Variants in PPP1R9A observed in about 807,000 individuals in gnomAD.
The protein encoded by PPP1R9A is neurabin-1.
In PPP1R9A, 59 loss-of-function variants were observed where a neutral mutation model predicts 141.9. The observed-to-expected ratio is 0.42, with a 90% confidence interval of 0.34 to 0.52. PPP1R9A has a LOEUF of 0.52. PPP1R9A is among the 20% of genes least tolerant of loss of function. The pLI is 0.10. For missense variants in PPP1R9A, 1,444 were observed against 1,611.9 expected, an observed-to-expected ratio of 0.90 and a Z score of 1.78; for synonymous variants, 500 against 569.7, an observed-to-expected ratio of 0.88 and a Z score of 1.74.
chr7:95,165,864 T>C (rs553429108), intron 5 of PPP1R9A, among the ~76,000 whole-genome samples: 1 of 152,038 alleles, frequency 6.6e-6, no homozygotes, highest in East Asian at 1.9e-4. Context: ...TATTGAAAAT[T>C]GGGTCAGGCG....
rs963977767 is a variant in PPP1R9A at position 95,294,341 on chromosome 7, T to G, written c.*4038T>G. 1.3e-5 allele frequency: 2 copies of G among 149,962 alleles called. No individual in the cohort carries two copies. The highest frequency in any genetic ancestry group is 3.0e-5 in the Non-Finnish European group (2 of 67,586). The allele number at this position is 149,962 out of a possible 1,614,324, so 9.3% of individuals were successfully genotyped here. The stretch of plus-strand genomic sequence containing the variant: ...TGGACTGCAGTGGTGCCATCATGTC[T>G]TACTGCAGCCTCAAACTCCTGGGCT... On this transcript the variant is annotated 3_prime_UTR_variant, in exon 20 of 20. Coordinates refer to ENST00000433360, the MANE Select transcript of PPP1R9A (RefSeq NM_001166160.2).
rs760399932 is a variant in PPP1R9A, at chr7:95,250,105, A to T, written c.2246A>T (p.Glu749Val). ...QLQQNIEENK[E>V]RMLKLESYWI... is the part of the protein sequence containing the mutation. Reference sequence around the variant, plus strand: ...CAACAAAACATAGAAGAGAATAAGGAAAGAATGTTGAAGTTGGAAAGCTAC... The same window carrying T: ...CAACAAAACATAGAAGAGAATAAGGTAAGAATGTTGAAGTTGGAAAGCTAC... The change falls in exon 10 of 20, where the codon GAA (glutamate) becomes GTA (valine). Residue 749 changes from glutamate to valine, a missense_variant. By Grantham distance (121) the Glu-to-Val change is moderately radical. Transcript: ENST00000433360. 11 of 1,613,810 alleles carry T rather than the reference A, an allele frequency of 6.8e-6. No homozygotes were observed. Among genetic ancestry groups the T allele is most frequent in the Non-Finnish European group, 9.3e-6 (11 of 1,179,884 alleles).
At chr7:95,186,513 C>A (rs184813419) in intron 5 of PPP1R9A, among the ~76,000 whole-genome samples, 1 of 152,116 alleles carries the variant, frequency 6.6e-6, no homozygotes, top group African/African-American at 2.4e-5. Context: ...TTATTTATTT[C>A]TTTTGTCTGA....
At chr7:94,915,134 G>A (rs566468437) in intron 2 of PPP1R9A, among the ~76,000 whole-genome samples, 1 of 152,264 alleles carries the variant, frequency 6.6e-6, no homozygotes, top group African/African-American at 2.4e-5. Flanking sequence ...GCTATATTTT[G>A]TGTTTTCTCA....
At chr7:95,240,024 A>T (rs1295163520) in intron 8 of PPP1R9A, among the ~76,000 whole-genome samples, 1 of 152,004 alleles carries the variant, frequency 6.6e-6, no homozygotes, top group African/African-American at 2.4e-5. Context: ...ATTCCTTTTA[A>T]AGAATAATTT....
chr7:94,936,793 T>C (rs1229576094), intron 2 of PPP1R9A, among the ~76,000 whole-genome samples: 3 of 152,070 alleles, frequency 2.0e-5, no homozygotes, highest in Non-Finnish European at 4.4e-5. Context: ...AATTCTGTAA[T>C]ATGTTTTGTT....
intron 2 of PPP1R9A, among the ~76,000 whole-genome samples, chr7:95,063,225 C>G (rs1051302242): frequency 6.6e-6 from 1 of 152,142 alleles, no homozygotes; most frequent in Admixed American, 6.5e-5. Context: ...TTTCATGTCA[C>G]AAACTAATCT....
At chr7:95,173,979 A>G (rs550440486) in intron 5 of PPP1R9A, among the ~76,000 whole-genome samples, 75 of 152,218 alleles carry the variant, frequency 4.9e-4, no homozygotes, top group Admixed American at 3.3e-3. Context: ...AAAGTTAGGC[A>G]TACACTTATA....
chr7:95,199,306 A>G (rs544333733), intron 6 of PPP1R9A, among the ~76,000 whole-genome samples: 1 of 152,336 alleles, frequency 6.6e-6, no homozygotes, highest in African/African-American at 2.4e-5. Flanking sequence ...ATTTAATTGT[A>G]GTATTTTATA....
chr7:95,134,365 G>A (rs1825241245), intron 4 of PPP1R9A, among the ~76,000 whole-genome samples: 1 of 152,186 alleles, frequency 6.6e-6, no homozygotes, highest in African/African-American at 2.4e-5. Context: ...AATACCTAAT[G>A]CATGCTGGGC....
intron 16 of PPP1R9A, among the ~76,000 whole-genome samples, chr7:95,277,137 T>C (rs1803354526): frequency 6.6e-6 from 1 of 152,206 alleles, no homozygotes; most frequent in Admixed American, 6.5e-5. Flanking sequence ...TTTCATCCAA[T>C]TCTTATTAGG....
At chr7:95,030,241 A>G (rs1173815181) in intron 2 of PPP1R9A, among the ~76,000 whole-genome samples, 1 of 152,236 alleles carries the variant, frequency 6.6e-6, no homozygotes, top group Non-Finnish European at 1.5e-5. Context: ...GTAGCTGGTC[A>G]GATCCAAATG....
In PPP1R9A at chr7:94,982,677, A is replaced by AT. The variant is rs1279307760; in HGVS notation, c.1395+71175dup. Reference sequence around the variant, plus strand: ...GCCCACTTTTTGATGGGGTTGTTTGATTTTTTCTTGTAAATTTGTTTGAGT... The same window carrying AT: ...GCCCACTTTTTGATGGGGTTGTTTGATTTTTTTCTTGTAAATTTGTTTGAGT... On this transcript the variant is annotated intron_variant, in intron 2 of 19. Coordinates refer to ENST00000433360, the MANE Select transcript of PPP1R9A (RefSeq NM_001166160.2). Among the ~76,000 whole-genome samples the AT allele has an allele frequency of 5.3e-5, 8 of 151,598 alleles. No individual in the cohort carries two copies. The East Asian group carries it at 7.7e-4, about 15-fold the overall frequency.
At chr7:95,238,421 G>C (rs185714791) in intron 8 of PPP1R9A, among the ~76,000 whole-genome samples, 1 of 152,084 alleles carries the variant, frequency 6.6e-6, no homozygotes, top group Non-Finnish European at 1.5e-5. Context: ...CCAGATACAG[G>C]CTTACTCAGG....
chr7:95,087,563 C>T (rs1175000772), intron 2 of PPP1R9A, among the ~76,000 whole-genome samples: 1 of 152,010 alleles, frequency 6.6e-6, no homozygotes, highest in African/African-American at 2.4e-5. Flanking sequence ...TAGATGTCTA[C>T]ATTTAACCTT....
At chr7:95,289,073 C>T (rs1259575995) in intron 19 of PPP1R9A, among the ~76,000 whole-genome samples, 2 of 152,152 alleles carry the variant, frequency 1.3e-5, no homozygotes, top group Admixed American at 1.3e-4. Context: ...CCCAGATCCA[C>T]GAGTCTTCTT....
intron 2 of PPP1R9A, among the ~76,000 whole-genome samples, chr7:95,068,514 A>G (rs1321443575): frequency 1.3e-5 from 2 of 151,846 alleles, no homozygotes; most frequent in Admixed American, 1.3e-4. Context: ...AAACACAAAA[A>G]GCAAAAGTGA....
chr7:95,033,293 C>T (rs945565293), intron 2 of PPP1R9A, among the ~76,000 whole-genome samples: 47 of 151,308 alleles, frequency 3.1e-4, no homozygotes, highest in Non-Finnish European at 5.9e-4. Context: ...GGATTACAGG[C>T]ATGAGCCACC....
chr7:95,147,891 G>T (rs1827930581), intron 4 of PPP1R9A, among the ~76,000 whole-genome samples: 1 of 152,068 alleles, frequency 6.6e-6, no homozygotes. Context: ...TGCTGGATTT[G>T]GTTTGCCAGT....
Sources: allele counts gnomAD v4.1 joint callset (sites outside exome capture counted in the v4.1 genomes callset), GRCh38; gene constraint gnomAD v4.1.1; transcripts MANE v1.5; gene names NCBI Gene and HGNC (gene_info 2026-07-23, HGNC 2026-07-21).